Variants in NLGN4Y observed in about 807,000 individuals in gnomAD.
NLGN4Y encodes the protein neuroligin 4 Y-linked, also known as neuroligin-4, Y-linked.
NLGN4Y carries 4 observed loss-of-function variants against 8.4 expected under a neutral mutation model. That is an observed-to-expected ratio of 0.48 (90% CI 0.23 to 1.09). The LOEUF (loss-of-function observed/expected upper bound fraction) is 1.09, where lower values mean the gene tolerates loss of function less well. NLGN4Y is among the 50% of genes least tolerant of loss of function. The probability of loss-of-function intolerance (pLI) is 0.19; values close to 1 mark genes in which losing one functional copy is unlikely to be tolerated. For missense variants in NLGN4Y, 90 were observed against 192.3 expected (o/e 0.47, Z 3.15); for synonymous variants, 35 against 75.6 (o/e 0.46, Z 2.78).
At chrY:14,719,796 CTTTT>C (rs2080928830) in intron 3 of NLGN4Y, among the ~76,000 whole-genome samples, 1 of 24,589 alleles carries the variant, frequency 4.1e-5, no homozygotes, top group Non-Finnish European at 9.8e-5. Context: ...TTTTTTTTTT[CTTTT>C]TTTGGCTTTG....
intron 1 of NLGN4Y, among the ~76,000 whole-genome samples, chrY:14,609,442 G>A: frequency 3.0e-5 from 1 of 33,304 alleles, no homozygotes; most frequent in African/African-American, 1.2e-4. Context: ...ATTTATTGAA[G>A]GCCTTTTCTG....
chrY:14,749,169 GA>G (rs2081034400), intron 4 of NLGN4Y, among the ~76,000 whole-genome samples: 1 of 32,682 alleles, frequency 3.1e-5, no homozygotes, highest in Non-Finnish European at 7.5e-5. Context: ...TAGGCAATCT[GA>G]ATAAAATTGC....
intron 2 of NLGN4Y, among the ~76,000 whole-genome samples, chrY:14,713,405 G>A: frequency 3.0e-5 from 1 of 33,578 alleles, no homozygotes; most frequent in East Asian, 7.8e-4. Context: ...GTGACTGTGA[G>A]GTTTTTCCTT....
rs757581064 is a variant in NLGN4Y, at chrY:14,702,123, G to C, written c.473-17336G>C. ...TTCTGCTTCAGCCTCCCAGTGTTTT[G>C]GGATTATAGGTATAAGGCACTGCAC... On this transcript the variant is annotated intron_variant, in intron 2 of 6. Coordinates refer to ENST00000684976, the MANE Select transcript of NLGN4Y (RefSeq NM_001365588.1). Among the ~76,000 whole-genome samples the C allele has an allele frequency of 6.5e-3, 206 of 31,763 alleles. No individual in the cohort carries two copies. In the Middle Eastern group the frequency reaches 0.23, roughly 35 times the overall value. 85.2% of individuals were successfully genotyped at this position (31,763 alleles called of 37,273 possible). A position where few individuals can be genotyped will look rare whatever the true frequency, so the allele number is the denominator to read the frequency against.
At chrY:14,666,572 T>A in intron 2 of NLGN4Y, among the ~76,000 whole-genome samples, 2 of 32,813 alleles carry the variant, frequency 6.1e-5, no homozygotes, top group Non-Finnish European at 1.5e-4. Flanking sequence ...ATATGTTATT[T>A]TTTTGGGCTT....
chrY:14,830,530 C>T lies in NLGN4Y; in HGVS notation c.1661+11C>T, dbSNP rs1398784197. The T allele has an allele frequency of 2.5e-6, 1 of 396,203 alleles. No individual in the cohort carries two copies. Among genetic ancestry groups the T allele is most frequent in the Admixed American group, 7.4e-5 (1 of 13,556 alleles). ...CTTCGCCAAAACTGGGTACGTTCTTCTTCATGTTGGGGTATCACTGTCCTC... is the reference window on the plus strand; with the variant it reads ...CTTCGCCAAAACTGGGTACGTTCTTTTTCATGTTGGGGTATCACTGTCCTC... On this transcript the variant is annotated intron_variant, in intron 6 of 6. Transcript: ENST00000684976.
Position 14,592,910 on chromosome Y carries a change from C to A in NLGN4Y, c.-111-29099C>A, listed in dbSNP as rs747594184. The stretch of plus-strand genomic sequence containing the variant: ...GGAGAATTTCGAATTCTCAACAAGG[C>A]CATGGGCAAAAGAGTAGGCCATGGG... On this transcript the variant is annotated intron_variant, in intron 1 of 6. Coordinates refer to ENST00000684976, the MANE Select transcript of NLGN4Y (RefSeq NM_001365588.1). Among the ~76,000 whole-genome samples the A allele has an allele frequency of 3.1e-4, 10 of 32,735 alleles. No homozygotes were observed. The East Asian group carries it at 8.3e-3, about 27-fold the overall frequency. The allele number at this position is 32,735 out of a possible 37,273, so 87.8% of individuals were successfully genotyped here. A position where few individuals can be genotyped will look rare whatever the true frequency, so the allele number is the denominator to read the frequency against.
At chrY:14,590,091 C>G (rs746176228) in intron 1 of NLGN4Y, among the ~76,000 whole-genome samples, 1 of 34,541 alleles carries the variant, frequency 2.9e-5, no homozygotes, top group African/African-American at 1.1e-4. Context: ...CGGGGCCCGC[C>G]AAGCCCACGC....
intron 1 of NLGN4Y, among the ~76,000 whole-genome samples, chrY:14,561,514 T>C: frequency 3.0e-5 from 1 of 33,356 alleles, no homozygotes; most frequent in African/African-American, 1.2e-4. Context: ...CTATTGTGAA[T>C]AGTGCCTCAA....
intron 2 of NLGN4Y, among the ~76,000 whole-genome samples, chrY:14,710,414 G>A (rs989208295): frequency 3.0e-5 from 1 of 33,505 alleles, no homozygotes; most frequent in Non-Finnish European, 7.4e-5. Context: ...CCAGCTACTC[G>A]GGAGGCTGAG....
intron 1 of NLGN4Y, among the ~76,000 whole-genome samples, chrY:14,545,923 G>A (rs1244860507): frequency 6.2e-5 from 2 of 32,230 alleles, no homozygotes. Context: ...TAACATTTAG[G>A]TCTTTAATCC....
At position 14,843,667 on chromosome Y, in the gene NLGN4Y, G is replaced by C; in HGVS notation, c.*2405G>C. ...ATCTTACATGATATCTCATTTCTACGTGAAAAGAAGTTATAGAATCTTCAT... is the reference window on the plus strand; with the variant it reads ...ATCTTACATGATATCTCATTTCTACCTGAAAAGAAGTTATAGAATCTTCAT... On this transcript the variant is annotated 3_prime_UTR_variant, in exon 7 of 7. Coordinates refer to ENST00000684976, the MANE Select transcript of NLGN4Y (RefSeq NM_001365588.1). 8.4e-6 allele frequency: 1 copy of C among 119,198 alleles called. No homozygotes were observed. The highest frequency in any genetic ancestry group is 1.1e-4 in the Admixed American group (1 of 9,422). 29.7% of individuals were successfully genotyped at this position (119,198 alleles called of 400,897 possible).
intron 2 of NLGN4Y, among the ~76,000 whole-genome samples, chrY:14,667,301 C>T: frequency 3.1e-5 from 1 of 32,326 alleles, no homozygotes. Context: ...CTGTAAATTA[C>T]ACAATTAGAC....
intron 1 of NLGN4Y, among the ~76,000 whole-genome samples, chrY:14,580,083 T>C: frequency 3.7e-5 from 1 of 27,190 alleles, no homozygotes; most frequent in Admixed American, 3.5e-4. Flanking sequence ...TCCCTGCTAC[T>C]CAGGAGGCTG....
intron 2 of NLGN4Y, among the ~76,000 whole-genome samples, chrY:14,677,646 AT>A (rs2080753834): frequency 3.0e-5 from 1 of 33,452 alleles, no homozygotes; most frequent in African/African-American, 1.2e-4. Flanking sequence ...TTCACAAAAT[AT>A]TTTTAGGTAT....
chrY:14,780,268 A>G (rs2042939456), intron 4 of NLGN4Y, among the ~76,000 whole-genome samples: 1 of 33,293 alleles, frequency 3.0e-5, no homozygotes, highest in Admixed American at 2.8e-4. Context: ...CTATTTTTGG[A>G]AAAAAATTTC....
intron 4 of NLGN4Y, among the ~76,000 whole-genome samples, chrY:14,755,115 G>GT (rs2081052594): frequency 3.1e-5 from 1 of 32,705 alleles, no homozygotes. Flanking sequence ...TCAAACTTTA[G>GT]TTTTTTGTGT....
chrY:14,643,888 G>A (rs2150516831), intron 2 of NLGN4Y, among the ~76,000 whole-genome samples: 13 of 33,644 alleles, frequency 3.9e-4, no homozygotes, highest in African/African-American at 1.5e-3. Flanking sequence ...AAGGAATTCT[G>A]CAAAAAGCAA....
At chrY:14,834,144 C>T in intron 6 of NLGN4Y, among the ~76,000 whole-genome samples, 3 of 33,077 alleles carry the variant, frequency 9.1e-5, no homozygotes, top group African/African-American at 3.6e-4. Context: ...CGTGAGAATA[C>T]CAGTGATCTC....
Sources: allele counts gnomAD v4.1 joint callset (sites outside exome capture counted in the v4.1 genomes callset), GRCh38; gene constraint gnomAD v4.1.1; transcripts MANE v1.5; gene names NCBI Gene and HGNC (gene_info 2026-07-23, HGNC 2026-07-21).